Variants in PTPRM observed in about 807,000 individuals in gnomAD.
The protein encoded by PTPRM is protein tyrosine phosphatase receptor type M.
Under a neutral mutation model 186.7 loss-of-function variants are expected in PTPRM, and 47 were observed. The ratio of observed to expected loss-of-function variants is 0.25; its 90% CI spans 0.20 to 0.32. The LOEUF is 0.32. PTPRM is among the 10% of genes least tolerant of loss of function. The probability of loss-of-function intolerance (pLI) is 1.00; values close to 1 mark genes in which losing one functional copy is unlikely to be tolerated. For missense variants in PTPRM, 1,494 were observed against 1,865.0 expected (o/e 0.80, Z 3.66); for synonymous variants, 668 against 674.9 (o/e 0.99, Z 0.16).
rs374726087 is a variant in PTPRM, at chr18:7,888,116, G to A, written c.207G>A (p.Met69Ile). 14 of 1,614,148 alleles carry A rather than the reference G, an allele frequency of 8.7e-6. No individual in the cohort carries two copies. The East Asian group carries it at 3.1e-4, about 36-fold the overall frequency. ...ATTTTGTTTTTGCAGGTTCTTTCATGCTGGTGAATGCCTCTGGGAGACCTG... is the reference window on the plus strand; with the variant it reads ...ATTTTGTTTTTGCAGGTTCTTTCATACTGGTGAATGCCTCTGGGAGACCTG... ...SDPWMPSGSF[M>I]LVNASGRPEG... Residue 69 changes from methionine (M) to isoleucine (I), a missense_variant, in exon 3 of 33, where the codon ATG becomes ATA. This residue lies in a region of PTPRM where 296 missense variants were observed against 345.5 expected (regional missense o/e 0.86). Transcript: ENST00000580170.
intron 9 of PTPRM, among the ~76,000 whole-genome samples, chr18:8,082,659 C>T (rs1045114765): frequency 1.3e-5 from 2 of 151,850 alleles, no homozygotes; most frequent in Non-Finnish European, 2.9e-5. Context: ...TAAATACCTA[C>T]ATTCATTAGG....
At chr18:8,345,032 G>A (rs2095497761) in intron 23 of PTPRM, among the ~76,000 whole-genome samples, 1 of 152,104 alleles carries the variant, frequency 6.6e-6, no homozygotes, top group African/African-American at 2.4e-5. Flanking sequence ...GCCAACTCCA[G>A]GGTCAAAGTA....
chr18:8,233,106 T>C (rs192512763), intron 14 of PTPRM, among the ~76,000 whole-genome samples: 44 of 152,346 alleles, frequency 2.9e-4, no homozygotes, highest in African/African-American at 1.0e-3. Context: ...CCTGCATTCA[T>C]GATAAACAGT....
intron 1 of PTPRM, among the ~76,000 whole-genome samples, chr18:7,698,063 A>G (rs1385130462): frequency 6.6e-6 from 1 of 152,220 alleles, no homozygotes; most frequent in Non-Finnish European, 1.5e-5. Flanking sequence ...CAGAGGGGAC[A>G]CTGTGGAAGA....
At chr18:7,899,102 G>C (rs761091409) in intron 3 of PTPRM, among the ~76,000 whole-genome samples, 1 of 152,124 alleles carries the variant, frequency 6.6e-6, no homozygotes, top group East Asian at 1.9e-4. Context: ...TCATCTTAGC[G>C]TCCTTGCACT....
At chr18:7,571,173 C>G (rs1172564670) in intron 1 of PTPRM, among the ~76,000 whole-genome samples, 2 of 152,048 alleles carry the variant, frequency 1.3e-5, no homozygotes, top group African/African-American at 4.8e-5. Flanking sequence ...ATCTCTTGAC[C>G]TTGTGATCTG....
chr18:7,942,083 G>A (rs2052213305), intron 5 of PTPRM, among the ~76,000 whole-genome samples: 1 of 152,054 alleles, frequency 6.6e-6, no homozygotes, highest in Non-Finnish European at 1.5e-5. Flanking sequence ...AGGATTTCGA[G>A]ACCAGGCTGG....
intron 14 of PTPRM, among the ~76,000 whole-genome samples, chr18:8,208,815 G>A (rs964292578): frequency 2.0e-4 from 31 of 152,228 alleles, no homozygotes; most frequent in Non-Finnish European, 3.4e-4. Context: ...TCCTGCCAAG[G>A]CCTTACTTTT....
chr18:7,994,265 A>ACACACACAC (rs145006322), intron 7 of PTPRM, among the ~76,000 whole-genome samples: 101 of 149,014 alleles, frequency 6.8e-4, no homozygotes, highest in African/African-American at 2.4e-3. Flanking sequence ...GGATATAAAT[A>ACACACACAC]ACACACACAC....
rs561325846 is a variant in PTPRM at position 8,118,593 on chromosome 18, A to G, written c.2167+3766A>G. Among the ~76,000 whole-genome samples, 330 of 152,260 alleles carry G rather than the reference A, an allele frequency of 2.2e-3. 1 individual carries two copies. Among genetic ancestry groups the G allele is most frequent in the African/African-American group, 7.4e-3 (307 of 41,540 alleles). ...AACAAGAGGACCACCTGAGGTCAGG[A>G]GTTCAAGACCAGCCTGGCCAACATG... On this transcript the variant is annotated intron_variant, in intron 13 of 32. Coordinates refer to ENST00000580170, the MANE Select transcript of PTPRM (RefSeq NM_001105244.2).
chr18:8,055,064 G>A (rs936657985), intron 7 of PTPRM, among the ~76,000 whole-genome samples: 2 of 151,980 alleles, frequency 1.3e-5, no homozygotes, highest in African/African-American at 2.4e-5. Flanking sequence ...TCATCTCTTT[G>A]ATTATTTTGG....
At chr18:8,066,417 A>T (rs2089082328) in intron 7 of PTPRM, among the ~76,000 whole-genome samples, 1 of 152,154 alleles carries the variant, frequency 6.6e-6, no homozygotes, top group Non-Finnish European at 1.5e-5. Flanking sequence ...ACAGTACTCC[A>T]TCTGAAGTGG....
chr18:7,915,137 T>C (rs2050481218), intron 4 of PTPRM, among the ~76,000 whole-genome samples: 1 of 151,504 alleles, frequency 6.6e-6, no homozygotes. Context: ...CAAAGGCTTA[T>C]TTGAGATCAA....
chr18:7,654,343 A>AT (rs2038797739), intron 1 of PTPRM, among the ~76,000 whole-genome samples: 1 of 152,028 alleles, frequency 6.6e-6, no homozygotes, highest in Admixed American at 6.6e-5. Flanking sequence ...GAGGTTACAA[A>AT]TTTTTTTGTG....
At chr18:7,807,389 T>G (rs986665291) in intron 2 of PTPRM, among the ~76,000 whole-genome samples, 2 of 152,216 alleles carry the variant, frequency 1.3e-5, no homozygotes, top group South Asian at 2.1e-4. Flanking sequence ...TCTTTGACAC[T>G]TTAGTGGTTG....
Position 7,926,636 on chromosome 18 carries a change from T to TGCAGTGCCATCG in PTPRM, c.621_632dup (p.Ser207_Gly210dup). 6.2e-7 allele frequency: 1 copy of TGCAGTGCCATCG among 1,613,854 alleles called. No individual in the cohort carries two copies. Among genetic ancestry groups the TGCAGTGCCATCG allele is most frequent in the Non-Finnish European group, 8.5e-7 (1 of 1,179,986 alleles). ...TGCTGGCCAGTTTGCTACCTTCCAG[T>TGCAGTGCCATCG]GCAGTGCCATCGGCAGGACCGTGGC... On this transcript the variant is annotated inframe_insertion, in exon 5 of 33. Transcript: ENST00000580170.
chr18:7,728,979 A>C (rs1175667756), intron 1 of PTPRM, among the ~76,000 whole-genome samples: 1 of 150,018 alleles, frequency 6.7e-6, no homozygotes, highest in African/African-American at 2.5e-5. Flanking sequence ...GCTAGAGTAC[A>C]GGCCCACTGC....
chr18:7,684,398 G>A (rs2039550309), intron 1 of PTPRM, among the ~76,000 whole-genome samples: 1 of 152,152 alleles, frequency 6.6e-6, no homozygotes, highest in Non-Finnish European at 1.5e-5. Flanking sequence ...ATATTTTTGA[G>A]TGTACCATAT....
At chr18:8,405,483 C>T (rs548909264) in intron 32 of PTPRM, among the ~76,000 whole-genome samples, 3 of 152,352 alleles carry the variant, frequency 2.0e-5, no homozygotes, top group Non-Finnish European at 2.9e-5. Context: ...TTCCCACTGC[C>T]ATCTTCCCTA....
Sources: gnomAD v4.1 joint callset for allele counts (sites outside exome capture counted in the v4.1 genomes callset) on GRCh38, gnomAD v4.1.1 for gene constraint, gnomAD v4.1.1 regional missense constraint, MANE v1.5 for transcripts, NCBI Gene and HGNC (gene_info 2026-07-23, HGNC 2026-07-21) for gene names.